ZC3H12B: variants seen among roughly 807,000 people sequenced by gnomAD.
ZC3H12B encodes the protein probable ribonuclease ZC3H12B.
A neutral mutation model predicts 43.9 loss-of-function variants in ZC3H12B; 7 were observed. The ratio of observed to expected loss-of-function variants is 0.16; its 90% CI spans 0.09 to 0.30. The LOEUF is 0.30. Among genes scored for constraint, ZC3H12B ranks in the 10% least tolerant of loss-of-function variants. The pLI is 1.00. For synonymous variants in ZC3H12B, 222 were observed against 241.7 expected (o/e 0.92, Z 0.76); for missense variants, 475 against 670.2 (o/e 0.71, Z 3.22).
chrX:65,417,513 A>C (rs761129703), intron 3 of ZC3H12B, among the ~76,000 whole-genome samples: 9 of 112,676 alleles, frequency 8.0e-5, no homozygotes, highest in Non-Finnish European at 1.7e-4. Flanking sequence ...CAATCATCTT[A>C]GGCTTCTCAG....
At chrX:65,357,388 C>T in the ZC3H12B span, 1 of 208,291 alleles carries the variant, frequency 4.8e-6, no homozygotes, top group Non-Finnish European at 8.9e-6. Flanking sequence ...ACAAACACTA[C>T]CATAGTGTGG....
the ZC3H12B span, among the ~76,000 whole-genome samples, chrX:65,203,557 G>T: frequency 1.8e-5 from 2 of 109,819 alleles, no homozygotes; most frequent in East Asian, 2.9e-4. Context: ...GGAGCCTCAA[G>T]TCTCTACCTG....
the ZC3H12B span, among the ~76,000 whole-genome samples, chrX:65,222,638 T>C: frequency 2.2e-5 from 2 of 91,777 alleles, no homozygotes; most frequent in East Asian, 6.0e-4. Flanking sequence ...ATAATAATAA[T>C]AATAATAATA....
the ZC3H12B span, among the ~76,000 whole-genome samples, chrX:65,108,753 G>A: frequency 4.5e-5 from 5 of 111,565 alleles, no homozygotes; most frequent in East Asian, 1.4e-3. Flanking sequence ...ATTATTTACT[G>A]TATATAATTG....
chrX:65,219,944 A>T, the ZC3H12B span, among the ~76,000 whole-genome samples: 1 of 110,938 alleles, frequency 9.0e-6, no homozygotes, highest in Non-Finnish European at 1.9e-5. Context: ...GAATTTTAAC[A>T]GTTGTGAGGC....
chrX:65,263,302 A>T, the ZC3H12B span, among the ~76,000 whole-genome samples: 32 of 111,180 alleles, frequency 2.9e-4, no homozygotes, highest in African/African-American at 1.0e-3. Context: ...GTATCTTTTT[A>T]AAACTGCTTT....
the ZC3H12B span, among the ~76,000 whole-genome samples, chrX:65,229,076 G>C: frequency 2.1e-3 from 235 of 110,399 alleles, 1 homozygote; most frequent in African/African-American, 7.6e-3. Context: ...ACATCGCCAA[G>C]TCAATCCTAA....
chrX:65,483,881 C>T (rs749244684), upstream of ZC3H12B, among the ~76,000 whole-genome samples: 1 of 111,550 alleles, frequency 9.0e-6, no homozygotes, highest in Non-Finnish European at 1.9e-5. Context: ...TGTTAGTTTG[C>T]TAAGGATAAT....
At chrX:65,497,013 GAAAGA>G (rs1332256779) in intron 1 of ZC3H12B, 114 bp from the exon 7 acceptor site, 2 of 477,954 alleles carry the variant, frequency 4.2e-6, no homozygotes, top group Non-Finnish European at 6.2e-6. Flanking sequence ...AAGAGAGAAA[GAAAGA>G]AAAGAATGTA....
the ZC3H12B span, among the ~76,000 whole-genome samples, chrX:65,301,728 A>G: frequency 1.8e-5 from 2 of 111,031 alleles, no homozygotes; most frequent in African/African-American, 6.5e-5. Context: ...TGGGTGGGGG[A>G]AAAAGACTAC....
the ZC3H12B span, among the ~76,000 whole-genome samples, chrX:65,141,574 G>T: frequency 9.3e-4 from 101 of 109,162 alleles, no homozygotes; most frequent in Non-Finnish European, 1.4e-3. Context: ...TTGGTTTCAT[G>T]AGTAAGTTCT....
chrX:65,401,363 G>T (rs772687255), intron 3 of ZC3H12B, among the ~76,000 whole-genome samples: 3 of 111,494 alleles, frequency 2.7e-5, no homozygotes, highest in Non-Finnish European at 5.7e-5. Context: ...GATGCATGTC[G>T]AGCTAATGGA....
At chrX:65,224,792 C>T in the ZC3H12B span, among the ~76,000 whole-genome samples, 1 of 111,903 alleles carries the variant, frequency 8.9e-6, no homozygotes, top group Non-Finnish European at 1.9e-5. Context: ...AGTCTGAGAT[C>T]AAACTACAAG....
At chrX:65,201,202 A>G in the ZC3H12B span, among the ~76,000 whole-genome samples, 2 of 111,506 alleles carry the variant, frequency 1.8e-5, no homozygotes, top group Admixed American at 9.5e-5. Context: ...TTGGTAGGCT[A>G]TTTACTACCA....
chrX:65,113,791 C>T, the ZC3H12B span, among the ~76,000 whole-genome samples: 2 of 107,406 alleles, frequency 1.9e-5, no homozygotes, highest in Admixed American at 2.0e-4. Context: ...GCATTTTTAA[C>T]AATGAAGTAT....
chrX:65,279,859 T>C, the ZC3H12B span, among the ~76,000 whole-genome samples: 1 of 111,792 alleles, frequency 8.9e-6, no homozygotes, highest in African/African-American at 3.3e-5. Flanking sequence ...TATAAGGAAC[T>C]TATACAAATT....
the ZC3H12B span, among the ~76,000 whole-genome samples, chrX:65,081,799 G>C: frequency 4.5e-5 from 5 of 111,796 alleles, no homozygotes; most frequent in African/African-American, 1.6e-4. Flanking sequence ...GATATTTATA[G>C]AGCATGTCAT....
At chrX:65,366,994 G>A (rs2066182342) in intron 1 of ZC3H12B, among the ~76,000 whole-genome samples, 1 of 112,023 alleles carries the variant, frequency 8.9e-6, no homozygotes, top group Non-Finnish European at 1.9e-5. Context: ...TATTTATTGA[G>A]CATCTACTAC....
At chrX:65,226,306 C>G in the ZC3H12B span, among the ~76,000 whole-genome samples, 1 of 111,138 alleles carries the variant, frequency 9.0e-6, no homozygotes, top group South Asian at 3.8e-4. Context: ...AAATCCTTTA[C>G]AGACAAGCAA....
Sources: gnomAD v4.1 joint callset for allele counts (sites outside exome capture counted in the v4.1 genomes callset) on GRCh38, gnomAD v4.1.1 for gene constraint, MANE v1.5 for transcripts, NCBI Gene and HGNC (gene_info 2026-07-23, HGNC 2026-07-21) for gene names.